RAD51B: variants seen among roughly 807,000 people sequenced by gnomAD.
RAD51B encodes RAD51 paralog B.
A neutral mutation model predicts 42.2 loss-of-function variants in RAD51B; 38 were observed. The observed-to-expected ratio is 0.90, with a 90% CI of 0.70 to 1.18. RAD51B has a LOEUF of 1.18. Among genes scored for constraint, RAD51B ranks in the 50% most tolerant of loss-of-function variants. The probability of loss-of-function intolerance (pLI) is 0.00; values close to 1 mark genes in which losing one functional copy is unlikely to be tolerated. For synonymous variants in RAD51B, 154 were observed against 145.2 expected (o/e 1.06, Z -0.43); for missense variants, 373 against 400.7 (o/e 0.93, Z 0.59).
chr14:68,539,434 C>T (rs1887832144), intron 10 of RAD51B, among the ~76,000 whole-genome samples: 1 of 152,228 alleles, frequency 6.6e-6, no homozygotes, highest in South Asian at 2.1e-4. Flanking sequence ...GCCTGCCTCT[C>T]AGTCTGGAAA....
At chr14:68,175,914 C>T (rs1210036619) in intron 7 of RAD51B, among the ~76,000 whole-genome samples, 2 of 152,220 alleles carry the variant, frequency 1.3e-5, no homozygotes, top group African/African-American at 2.4e-5. Context: ...ATATGCACTT[C>T]CTAGAATAGT....
At chr14:68,568,527 T>TC (rs2140034711) in intron 10 of RAD51B, among the ~76,000 whole-genome samples, 1 of 152,334 alleles carries the variant, frequency 6.6e-6, no homozygotes, top group South Asian at 2.1e-4. Flanking sequence ...AAAGAAAGAA[T>TC]AGAGCCCTAT....
chr14:68,354,216 G>GT (rs3075406), intron 8 of RAD51B, among the ~76,000 whole-genome samples: 27,434 of 110,262 alleles, frequency 0.25, 4,825 homozygotes, highest in African/African-American at 0.49. Context: ...TGGTTTTTTG[G>GT]TTTTTTTTTT....
intron 4 of RAD51B, among the ~76,000 whole-genome samples, chr14:67,846,488 G>T (rs2041619820): frequency 6.6e-6 from 1 of 152,166 alleles, no homozygotes; most frequent in South Asian, 2.1e-4. Flanking sequence ...GGGCAGGTGG[G>T]GGCGTGGCCG....
intron 10 of RAD51B, among the ~76,000 whole-genome samples, chr14:68,504,033 A>G (rs1441213621): frequency 6.6e-6 from 1 of 152,212 alleles, no homozygotes; most frequent in Non-Finnish European, 1.5e-5. Flanking sequence ...ACAGGCTTTA[A>G]TTACATCTTC....
chr14:68,611,877 G>A (rs1032585003), downstream of RAD51B, among the ~76,000 whole-genome samples: 1 of 148,072 alleles, frequency 6.8e-6, no homozygotes, highest in Non-Finnish European at 1.5e-5. Context: ...TCCAAGTCCA[G>A]TGTAAGATTT....
At chr14:68,325,373 C>G (rs2082229104) in intron 8 of RAD51B, among the ~76,000 whole-genome samples, 1 of 152,162 alleles carries the variant, frequency 6.6e-6, no homozygotes, top group Non-Finnish European at 1.5e-5. Context: ...TTAAGTTTCT[C>G]TAGGTTATAT....
intron 8 of RAD51B, among the ~76,000 whole-genome samples, chr14:68,302,536 C>A (rs1706426452): frequency 6.6e-6 from 1 of 152,058 alleles, no homozygotes; most frequent in Non-Finnish European, 1.5e-5. Context: ...GTTGGGGAGA[C>A]CCTAACCCAG....
chr14:68,673,049 G>A (rs1288862004), intron 11 of RAD51B, among the ~76,000 whole-genome samples: 3 of 152,188 alleles, frequency 2.0e-5, no homozygotes, highest in African/African-American at 7.2e-5. Context: ...CTGGTTTCAT[G>A]CACTAGCCAG....
chr14:68,377,253 T>C (rs1467626932), intron 8 of RAD51B, among the ~76,000 whole-genome samples: 1 of 152,174 alleles, frequency 6.6e-6, no homozygotes, highest in East Asian at 1.9e-4. Context: ...AAAACAGGCC[T>C]GTGGATGCTT....
At chr14:68,171,287 AT>A (rs1212890067) in intron 7 of RAD51B, among the ~76,000 whole-genome samples, 6 of 150,994 alleles carry the variant, frequency 4.0e-5, no homozygotes, top group Non-Finnish European at 5.9e-5. Flanking sequence ...ACAGCGTCCT[AT>A]TTTTTTTTGT....
At chr14:68,144,334 A>G (rs1298892634) in intron 7 of RAD51B, among the ~76,000 whole-genome samples, 1 of 152,220 alleles carries the variant, frequency 6.6e-6, no homozygotes, top group Admixed American at 6.5e-5. Context: ...GCGGCTGAGC[A>G]AAGAGGCACT....
At position 68,605,307 on chromosome 14, in the gene RAD51B, ATAAAT is replaced by A. The variant is rs140651897; in HGVS notation, c.1037-5697_1037-5693del. 7.8e-3 allele frequency among the ~76,000 whole-genome samples: 1,186 copies of A among 152,332 alleles called. 8 individuals are homozygous for A. Among genetic ancestry groups the A allele is most frequent in the African/African-American group, 0.027 (1,116 of 41,590 alleles). On this transcript the variant is annotated intron_variant, in intron 10 of 10. Transcript: ENST00000487861. ...TGCTGCAAAGAAATAGCACTCAAAC[ATAAAT>A]TTAATTCTCTCAGCAAGGCCATTTT...
At chr14:68,105,872 T>C (rs1049186817) in intron 7 of RAD51B, among the ~76,000 whole-genome samples, 8 of 152,020 alleles carry the variant, frequency 5.3e-5, no homozygotes, top group Non-Finnish European at 1.5e-5. Flanking sequence ...ATTTATTGGG[T>C]CCTCTAAAAG....
intron 10 of RAD51B, among the ~76,000 whole-genome samples, chr14:68,627,004 C>G (rs1002306449): frequency 1.3e-5 from 2 of 152,124 alleles, no homozygotes; most frequent in Non-Finnish European, 2.9e-5. Flanking sequence ...TTCTTCAAGT[C>G]CCACCCCAGC....
chr14:68,394,008 CTG>C (rs749437032), intron 8 of RAD51B, among the ~76,000 whole-genome samples: 2 of 152,260 alleles, frequency 1.3e-5, no homozygotes, highest in East Asian at 3.9e-4. Flanking sequence ...TGTGCAGTCT[CTG>C]TGGGCTGACT....
rs534109518 is a variant in RAD51B, at chr14:68,104,704, G to A, written c.757-187180G>A. Among the ~76,000 whole-genome samples, 358 of 152,144 alleles carry A rather than the reference G, an allele frequency of 2.4e-3. 2 individuals carry two copies. The Middle Eastern group carries it at 0.044, about 19-fold the overall frequency. On this transcript the variant is annotated intron_variant, in intron 7 of 10. Transcript: ENST00000471583. ...TCACATACCAATTGAGTGAATATTG[G>A]CCCACATGATTCTTGTAAGTGGATT... is the stretch of plus-strand genomic sequence containing the variant.
At chr14:68,644,239 A>G (rs1231735123) in intron 10 of RAD51B, among the ~76,000 whole-genome samples, 3 of 152,244 alleles carry the variant, frequency 2.0e-5, no homozygotes, top group Non-Finnish European at 2.9e-5. Context: ...GAGCTCAGAC[A>G]TGAAGCTGCC....
intron 7 of RAD51B, among the ~76,000 whole-genome samples, chr14:68,155,596 A>G (rs1371843857): frequency 6.6e-6 from 1 of 152,210 alleles, no homozygotes; most frequent in Non-Finnish European, 1.5e-5. Context: ...TGGCAAGAGA[A>G]GAAGCACAAA....
Sources: allele counts gnomAD v4.1 joint callset (sites outside exome capture counted in the v4.1 genomes callset), GRCh38; gene constraint gnomAD v4.1.1; transcripts MANE v1.5; gene names NCBI Gene and HGNC (gene_info 2026-07-23, HGNC 2026-07-21).